The following VAV2 variants were observed in gnomAD, a reference collection of about 807,000 sequenced individuals.
VAV2 encodes vav guanine nucleotide exchange factor 2.
In VAV2, 67 loss-of-function variants were observed where a neutral mutation model predicts 132.5. The ratio of observed to expected loss-of-function variants is 0.51; its 90% CI spans 0.42 to 0.62. The LOEUF (loss-of-function observed/expected upper bound fraction) is 0.62. Ranked by LOEUF, VAV2 falls within the 20% of genes least tolerant of loss-of-function variation. VAV2 has a pLI of 0.00. For missense variants in VAV2, 938 were observed against 1,153.6 expected, an observed-to-expected ratio of 0.81 and a Z score of 2.71; for synonymous variants, 492 against 443.5, an observed-to-expected ratio of 1.11 and a Z score of -1.37.
chr9:133,850,194 G>T lies in VAV2; in HGVS notation c.380+11180C>A, dbSNP rs139870072. Among the ~76,000 whole-genome samples, 801 of 152,272 alleles carry T rather than the reference G, an allele frequency of 5.3e-3. 39 individuals are homozygous for T. The highest frequency in any genetic ancestry group is 0.046 in the Admixed American group (708 of 15,302). On this transcript the variant is annotated intron_variant, in intron 3 of 29. Transcript: ENST00000371850. Reference sequence around the variant, plus strand: ...CTCAGGGCTAAGGAACCTGGTGAGGGTCACACCAGGAGCAAGGATCCCAGC... The same window carrying T: ...CTCAGGGCTAAGGAACCTGGTGAGGTTCACACCAGGAGCAAGGATCCCAGC...
chr9:133,821,961 A>G (rs1178584559), intron 4 of VAV2, among the ~76,000 whole-genome samples: 1 of 152,068 alleles, frequency 6.6e-6, no homozygotes, highest in Non-Finnish European at 1.5e-5. Flanking sequence ...AATCCCGACC[A>G]TTATTTTTGT....
intron 1 of VAV2, among the ~76,000 whole-genome samples, chr9:133,960,138 G>A (rs1355489444): frequency 4.6e-5 from 7 of 152,290 alleles, no homozygotes; most frequent in African/African-American, 1.7e-4. Context: ...TCTATCAGGA[G>A]AAAGAACTGT....
chr9:133,796,836 G>A (rs1488466238), intron 10 of VAV2, among the ~76,000 whole-genome samples: 3 of 152,208 alleles, frequency 2.0e-5, no homozygotes, highest in Non-Finnish European at 2.9e-5. Context: ...TGACTCTTCC[G>A]CCAGGCCAGG....
intron 2 of VAV2, among the ~76,000 whole-genome samples, chr9:133,895,272 C>T (rs2131990116): frequency 6.6e-6 from 1 of 151,842 alleles, no homozygotes; most frequent in East Asian, 1.9e-4. Flanking sequence ...GTTATAGGTG[C>T]AGCTCCTGGG....
intron 2 of VAV2, among the ~76,000 whole-genome samples, chr9:133,906,909 C>T (rs1446448829): frequency 1.3e-5 from 2 of 152,146 alleles, no homozygotes; most frequent in South Asian, 2.1e-4. Flanking sequence ...CCGTCCCATC[C>T]CTTCACAACA....
At chr9:133,791,058 G>A (rs1834437044) in intron 13 of VAV2, among the ~76,000 whole-genome samples, 1 of 152,172 alleles carries the variant, frequency 6.6e-6, no homozygotes, top group East Asian at 1.9e-4. Flanking sequence ...CACAGGGGCA[G>A]GTCCCACAAC....
chr9:133,786,179 G>A (rs560113687), intron 16 of VAV2, among the ~76,000 whole-genome samples: 3 of 152,346 alleles, frequency 2.0e-5, no homozygotes, highest in South Asian at 2.1e-4. Flanking sequence ...GTGCTCCTGC[G>A]TGCATGGGTG....
rs56233098 is a variant in VAV2 at position 133,778,786 on chromosome 9, G to A, written c.1866C>T (p.Gly622=). The A allele has an allele frequency of 0.093, 150,159 of 1,612,650 alleles. 7,666 individuals carry two copies. Among genetic ancestry groups the A allele is most frequent in the Admixed American group, 0.17 (10,413 of 59,994 alleles). Residue 622 remains glycine, a synonymous_variant, in exon 22 of 30, where the codon GGC becomes GGT. Coordinates refer to ENST00000371850, the MANE Select transcript of VAV2 (RefSeq NM_001134398.2). ...CCTCCCACCACGGAGACTCAGGGTC[G>A]CCCCTCAGCAGCTCAAGCACGTCGC... ...QTGDVLELLR[G]DPESPWWEGR... is the part of the protein sequence containing the mutation.
At chr9:133,764,782 C>T (rs956729208) in intron 29 of VAV2, among the ~76,000 whole-genome samples, 11 of 152,152 alleles carry the variant, frequency 7.2e-5, no homozygotes, top group African/African-American at 2.7e-4. Context: ...AAAGTTCTAA[C>T]ATCCTTGTGA....
At chr9:133,930,073 G>A (rs949257107) in intron 2 of VAV2, among the ~76,000 whole-genome samples, 2 of 152,200 alleles carry the variant, frequency 1.3e-5, no homozygotes, top group Non-Finnish European at 2.9e-5. Flanking sequence ...GGAACCATCC[G>A]TACCTGCACT....
At chr9:133,979,295 G>A (rs1229537036) in intron 1 of VAV2, among the ~76,000 whole-genome samples, 1 of 152,210 alleles carries the variant, frequency 6.6e-6, no homozygotes, top group Non-Finnish European at 1.5e-5. Flanking sequence ...AGGGTCCAGA[G>A]AGGCGCCACG....
intron 23 of VAV2, among the ~76,000 whole-genome samples, chr9:133,776,471 T>C (rs1858866): frequency 0.041 from 6,266 of 152,188 alleles, 178 homozygotes; most frequent in African/African-American, 0.08. Flanking sequence ...CTCAGGCAGG[T>C]GCTGCCGCTC....
At chr9:133,872,718 C>T (rs1166469359) in intron 2 of VAV2, among the ~76,000 whole-genome samples, 1 of 142,676 alleles carries the variant, frequency 7.0e-6, no homozygotes, top group Admixed American at 6.7e-5. Context: ...GGTGGAGTAT[C>T]CGGGGCAGCA....
In VAV2 at chr9:133,908,803, C is replaced by T. The variant is rs114566730; in HGVS notation, c.321+30300G>A. Among the ~76,000 whole-genome samples, 1,200 of 152,352 alleles carry T rather than the reference C, an allele frequency of 7.9e-3. 20 individuals are homozygous for T. Among genetic ancestry groups the T allele is most frequent in the African/African-American group, 0.027 (1,123 of 41,582 alleles). On this transcript the variant is annotated intron_variant, in intron 2 of 29. Transcript: ENST00000371850. ...TGCCAGGAGCAGGCCCCCTCGGGAG[C>T]GGACTTCCAACCGCTTGCCTGGTTT... is the stretch of plus-strand genomic sequence containing the variant.
chr9:133,768,806 C>T lies in VAV2; in HGVS notation c.2435-210G>A, dbSNP rs969731916. Among the ~76,000 whole-genome samples, 8 of 152,146 alleles carry T rather than the reference C, an allele frequency of 5.3e-5. No individual in the cohort carries two copies. The highest frequency in any genetic ancestry group is 1.9e-4 in the African/African-American group (8 of 41,440). On this transcript the variant is annotated intron_variant, in intron 28 of 29. Transcript: ENST00000371850. This position sits in a 1 kb window ranked among gnomAD's most constrained non-coding sequence, Gnocchi z 5.3. ...GCCCTCTGGGTCTGGGGACACAGCA[C>T]ATCCAAGTCCCTGCAATGAGGATGT...
At chr9:133,854,346 C>T (rs536836924) in intron 3 of VAV2, among the ~76,000 whole-genome samples, 53 of 152,362 alleles carry the variant, frequency 3.5e-4, no homozygotes, top group Admixed American at 5.2e-4. Context: ...TACACACACG[C>T]GCACACCCAT....
intron 3 of VAV2, among the ~76,000 whole-genome samples, chr9:133,838,581 G>A (rs116631436): frequency 0.019 from 2,545 of 136,988 alleles, 94 homozygotes; most frequent in African/African-American, 0.047. Flanking sequence ...GTGGCTAGAT[G>A]GATGAATGGG....
Position 133,806,105 on chromosome 9 carries a change from T to C in VAV2, c.812A>G (p.Lys271Arg). 2 of 1,613,008 alleles carry C rather than the reference T, an allele frequency of 1.2e-6. No homozygotes were observed. Among genetic ancestry groups the C allele is most frequent in the South Asian group, 2.2e-5 (2 of 91,042 alleles). The change falls in exon 9 of 30, where the codon AAG becomes AGG. Residue 271 changes from lysine (K) to arginine (R), a missense_variant. Transcript: ENST00000371850. ...CCTTTCCTTGAAATCGAGGAAGACCTTGGCCAGCGTGCTGCCCCCCACCAT... is the reference window on the plus strand; with the variant it reads ...CCTTTCCTTGAAATCGAGGAAGACCCTGGCCAGCGTGCTGCCCCCCACCAT... ...SVMVGGSTLA[K>R]VFLDFKERLL...
intron 2 of VAV2, among the ~76,000 whole-genome samples, chr9:133,868,699 G>A (rs1317582518): frequency 6.6e-6 from 1 of 152,242 alleles, no homozygotes; most frequent in African/African-American, 2.4e-5. Flanking sequence ...ACCCCTGAAG[G>A]GTCCCGCCAT....
Sources: gnomAD v4.1 joint callset for allele counts (sites outside exome capture counted in the v4.1 genomes callset) on GRCh38, gnomAD v4.1.1 for gene constraint, Gnocchi (gnomAD v3.1) non-coding constraint, MANE v1.5 for transcripts, NCBI Gene and HGNC (gene_info 2026-07-23, HGNC 2026-07-21) for gene names.